Variants in CDH18 observed in about 807,000 individuals in gnomAD.
The protein encoded by CDH18 is cadherin 18.
In CDH18, 31 loss-of-function variants were observed where a neutral mutation model predicts 67.9. The observed-to-expected ratio is 0.46, with a 90% confidence interval of 0.34 to 0.62. The LOEUF is 0.62. Among genes scored for constraint, CDH18 ranks in the 20% least tolerant of loss-of-function variants. The pLI, the probability that CDH18 is intolerant of heterozygous loss-of-function variation, is 0.01. For missense variants in CDH18, 890 were observed against 975.5 expected, an observed-to-expected ratio of 0.91 and a Z score of 1.17; for synonymous variants, 362 against 347.2, an observed-to-expected ratio of 1.04 and a Z score of -0.48.
chr5:19,654,245 G>A (rs1430802187), intron 5 of CDH18, among the ~76,000 whole-genome samples: 1 of 152,116 alleles, frequency 6.6e-6, no homozygotes, highest in Non-Finnish European at 1.5e-5. Flanking sequence ...ATGATGATAA[G>A]AGCAAGAAGA....
intron 2 of CDH18, among the ~76,000 whole-genome samples, chr5:19,955,224 C>G (rs1219789371): frequency 6.6e-6 from 1 of 152,066 alleles, no homozygotes; most frequent in Non-Finnish European, 1.5e-5. Flanking sequence ...TTAATTAAAT[C>G]TCTTTCCTTC....
rs548603637 is a variant in CDH18, at chr5:20,075,205, C to T, written c.-517-83191G>A. On this transcript the variant is annotated intron_variant, in intron 2 of 14. Coordinates refer to the CDH18 transcript ENST00000507958. ...TTGGACATCACTGAATGGAAGTAAT[C>T]TTAAATCCTGAAGAGTTGGCTGGAC... 4.6e-5 allele frequency among the ~76,000 whole-genome samples: 7 copies of T among 152,224 alleles called. No individual in the cohort carries two copies. The East Asian group carries it at 1.4e-3, about 29-fold the overall frequency.
intron 1 of CDH18, among the ~76,000 whole-genome samples, chr5:20,416,642 G>T (rs533119802): frequency 1.3e-5 from 2 of 151,942 alleles, no homozygotes; most frequent in Admixed American, 1.3e-4. Context: ...TAAATTATGC[G>T]CAAAAGGCTG....
chr5:19,720,925 A>G (rs576625953), intron 5 of CDH18, among the ~76,000 whole-genome samples: 1 of 152,310 alleles, frequency 6.6e-6, no homozygotes, highest in South Asian at 2.1e-4. Flanking sequence ...AATTTATGTG[A>G]CAAGCAAAAT....
At chr5:20,052,107 C>T (rs751505475) in intron 2 of CDH18, among the ~76,000 whole-genome samples, 1 of 152,072 alleles carries the variant, frequency 6.6e-6, no homozygotes, top group Admixed American at 6.6e-5. Flanking sequence ...ATGGGCCATG[C>T]CCAAATCTCT....
intron 5 of CDH18, among the ~76,000 whole-genome samples, chr5:19,627,780 T>A (rs1751777942): frequency 6.6e-6 from 1 of 152,156 alleles, no homozygotes; most frequent in South Asian, 2.1e-4. Context: ...CAAAAAAGAA[T>A]CATATGCACA....
chr5:20,334,753 TACACACAC>T (rs35282241), intron 1 of CDH18, among the ~76,000 whole-genome samples: 3,165 of 138,424 alleles, frequency 0.023, 119 homozygotes, highest in African/African-American at 0.075. Context: ...CTCTCTCTCA[TACACACAC>T]ACACACACAC....
chr5:20,094,959 T>C (rs938786543), intron 2 of CDH18, among the ~76,000 whole-genome samples: 1 of 152,158 alleles, frequency 6.6e-6, no homozygotes, highest in South Asian at 2.1e-4. Flanking sequence ...ATATATACCA[T>C]GGAATACTAA....
upstream of CDH18, among the ~76,000 whole-genome samples, chr5:19,991,062 G>A (rs1165858551): frequency 2.0e-5 from 3 of 152,084 alleles, no homozygotes; most frequent in Non-Finnish European, 2.9e-5. Context: ...GATTGATGCT[G>A]GTCAGACTAT....
chr5:19,816,544 T>C (rs1779305943), intron 3 of CDH18, among the ~76,000 whole-genome samples: 1 of 151,852 alleles, frequency 6.6e-6, no homozygotes, highest in South Asian at 2.1e-4. Flanking sequence ...ATTACATTAA[T>C]AATCCACACA....
chr5:20,409,647 A>G (rs1218599034), intron 1 of CDH18, among the ~76,000 whole-genome samples: 2 of 151,744 alleles, frequency 1.3e-5, no homozygotes. Context: ...GAAGAACATA[A>G]TAAAGATTAG....
intron 5 of CDH18, among the ~76,000 whole-genome samples, chr5:19,694,780 AT>A (rs1377218593): frequency 6.6e-6 from 1 of 151,880 alleles, no homozygotes; most frequent in Non-Finnish European, 1.5e-5. Flanking sequence ...GATTTGTTGA[AT>A]AAATGAACAA....
At chr5:19,729,466 A>G (rs1767303126) in intron 4 of CDH18, among the ~76,000 whole-genome samples, 1 of 152,216 alleles carries the variant, frequency 6.6e-6, no homozygotes, top group Non-Finnish European at 1.5e-5. Context: ...GACCCAGTCA[A>G]GATCTGCTGA....
chr5:19,967,519 A>G (rs909013658), intron 2 of CDH18, among the ~76,000 whole-genome samples: 1 of 152,122 alleles, frequency 6.6e-6, no homozygotes, highest in African/African-American at 2.4e-5. Flanking sequence ...CTGTGGTGAT[A>G]TAAACTTTAA....
intron 2 of CDH18, among the ~76,000 whole-genome samples, chr5:20,148,403 CT>C (rs1233408749): frequency 1.3e-5 from 2 of 151,924 alleles, no homozygotes; most frequent in African/African-American, 4.8e-5. Flanking sequence ...GGCCTAGTGT[CT>C]TTTTTAAATT....
At chr5:19,798,986 T>C (rs1417457137) in intron 3 of CDH18, among the ~76,000 whole-genome samples, 1 of 152,076 alleles carries the variant, frequency 6.6e-6, no homozygotes, top group Non-Finnish European at 1.5e-5. Context: ...TCTTTATCCA[T>C]TTATCTGTCA....
chr5:20,497,639 A>C (rs542489243), intron 1 of CDH18, among the ~76,000 whole-genome samples: 2 of 152,248 alleles, frequency 1.3e-5, no homozygotes, highest in African/African-American at 4.8e-5. Flanking sequence ...TAAACAATGC[A>C]TGACTGTAGT....
intron 2 of CDH18, among the ~76,000 whole-genome samples, chr5:20,213,020 G>C (rs1740473562): frequency 6.6e-6 from 1 of 152,116 alleles, no homozygotes; most frequent in South Asian, 2.1e-4. Flanking sequence ...AAGAAACCTA[G>C]ATTTCAGCCT....
chr5:20,552,435 C>T (rs1274253501), intron 1 of CDH18, among the ~76,000 whole-genome samples: 3 of 152,100 alleles, frequency 2.0e-5, no homozygotes, highest in African/African-American at 2.4e-5. Flanking sequence ...AGAGACCATG[C>T]CACTGTACTC....
Sources: allele counts gnomAD v4.1 joint callset (sites outside exome capture counted in the v4.1 genomes callset), GRCh38; gene constraint gnomAD v4.1.1; transcripts MANE v1.5; gene names NCBI Gene and HGNC (gene_info 2026-07-23, HGNC 2026-07-21).